The following LRP2 variants were observed in gnomAD, a reference collection of about 807,000 sequenced individuals.
LRP2 encodes LDL receptor related protein 2, also known as low-density lipoprotein receptor-related protein 2.
Under a neutral mutation model 531.0 loss-of-function variants are expected in LRP2, and 172 were observed. The observed-to-expected ratio is 0.32, with a 90% CI of 0.29 to 0.37. The LOEUF (loss-of-function observed/expected upper bound fraction) is 0.37, where lower values mean the gene tolerates loss of function less well. Ranked by LOEUF, LRP2 falls within the 10% of genes least tolerant of loss-of-function variation. The probability of loss-of-function intolerance (pLI) is 1.00; values close to 1 mark genes in which losing one functional copy is unlikely to be tolerated. For synonymous variants in LRP2, 1,992 were observed against 2,027.6 expected (o/e 0.98, Z 0.47); for missense variants, 5,167 against 5,868.3 (o/e 0.88, Z 3.90).
At chr2:169,200,909 C>T (rs1231249720) in intron 44 of LRP2, among the ~76,000 whole-genome samples, 2 of 152,112 alleles carry the variant, frequency 1.3e-5, no homozygotes, top group East Asian at 1.9e-4. Context: ...AGGCTGACAC[C>T]AGAATCCACT....
At chr2:169,296,110 AACTTGC>A (rs1372488346) in intron 4 of LRP2, among the ~76,000 whole-genome samples, 1 of 152,080 alleles carries the variant, frequency 6.6e-6, no homozygotes, top group Non-Finnish European at 1.5e-5. Context: ...CCATGTTAAC[AACTTGC>A]ACTTTTTAAA....
At chr2:169,212,894 C>T (rs200008273) in intron 36 of LRP2, among the ~76,000 whole-genome samples, 3 of 151,744 alleles carry the variant, frequency 2.0e-5, no homozygotes. Context: ...AACCAAACAC[C>T]ACCTGTACCC....
Position 169,185,751 on chromosome 2 carries a change from G to C in LRP2, c.9597C>G (p.Pro3199=). The change falls in exon 50 of 79, where the codon CCC becomes CCG. Residue 3199 remains proline (P), a synonymous_variant. Coordinates refer to ENST00000649046, the MANE Select transcript of LRP2 (RefSeq NM_004525.3). ...AGTAACGGTTGCTAAAAATGAGATA[G>C]GGTTCGATGTTACTGTTTTGCCGGC... The part of the protein sequence containing the change: ...KTCRQNSNIE[P]YLIFSNRYYL... The C allele has an allele frequency of 6.2e-7, 1 of 1,613,760 alleles. No individual in the cohort carries two copies. Among genetic ancestry groups the C allele is most frequent in the Non-Finnish European group, 8.5e-7 (1 of 1,179,960 alleles).
chr2:169,361,904 T>C (rs904006769), intron 1 of LRP2, among the ~76,000 whole-genome samples: 2 of 152,068 alleles, frequency 1.3e-5, no homozygotes, highest in African/African-American at 4.8e-5. Context: ...GGAGGGGCGC[T>C]GCAGGTGGAA....
chr2:169,352,823 G>C (rs896432584), intron 1 of LRP2, among the ~76,000 whole-genome samples: 7 of 151,750 alleles, frequency 4.6e-5, no homozygotes, highest in Non-Finnish European at 7.4e-5. Flanking sequence ...GTCACAGGGG[G>C]GGGAACATCA....
At chr2:169,271,179 T>C (rs1683404882) in intron 15 of LRP2, 72 bp from the exon 16 acceptor site, 3 of 960,160 alleles carry the variant, frequency 3.1e-6, no homozygotes, top group South Asian at 1.4e-5. Flanking sequence ...TCCAGATAAA[T>C]GCATCCACAG....
intron 1 of LRP2, among the ~76,000 whole-genome samples, chr2:169,340,311 T>C (rs1685530387): frequency 6.6e-6 from 1 of 152,136 alleles, no homozygotes; most frequent in Non-Finnish European, 1.5e-5. Flanking sequence ...GAAGAGAAGA[T>C]GTGCAGTGTC....
chr2:169,231,618 C>T (rs1297802064), intron 31 of LRP2, 96 bp downstream of exon 31: 5 of 1,463,428 alleles, frequency 3.4e-6, no homozygotes, highest in Non-Finnish European at 4.8e-6. Flanking sequence ...AAGGACACAG[C>T]ACATGTTCAG....
intron 1 of LRP2, among the ~76,000 whole-genome samples, chr2:169,331,909 T>C (rs1685280179): frequency 6.6e-6 from 1 of 152,154 alleles, no homozygotes; most frequent in African/African-American, 2.4e-5. Context: ...AAATGGACAT[T>C]CATGAGAAAT....
chr2:169,179,511 G>A (rs1040376983), intron 52 of LRP2, among the ~76,000 whole-genome samples: 28 of 151,912 alleles, frequency 1.8e-4, no homozygotes, highest in African/African-American at 6.8e-4. Context: ...ACCTGAGGTC[G>A]GGAGTTCGAG....
intron 55 of LRP2, 53 bp from the exon 56 acceptor site, chr2:169,174,217 T>C (rs1050979028): frequency 1.2e-6 from 2 of 1,611,682 alleles, no homozygotes; most frequent in Admixed American, 3.3e-5. Flanking sequence ...GAATGAAAGC[T>C]CCTAATTGAC....
At chr2:169,265,166 G>GAGAAAT (rs1690748462) in intron 16 of LRP2, among the ~76,000 whole-genome samples, 1 of 151,156 alleles carries the variant, frequency 6.6e-6, no homozygotes, top group Admixed American at 6.6e-5. Context: ...ATCTATGGAG[G>GAGAAAT]AGAAATTAAT....
At chr2:169,169,646 A>T (rs1004670232) in intron 60 of LRP2, 56 bp downstream of exon 60, 1 of 1,367,392 alleles carries the variant, frequency 7.3e-7, no homozygotes, top group Middle Eastern at 1.8e-4. Context: ...TGATGTCTAA[A>T]CTATCATATC....
At chr2:169,189,637 T>G (rs1235352911) in intron 48 of LRP2, among the ~76,000 whole-genome samples, 1 of 151,888 alleles carries the variant, frequency 6.6e-6, no homozygotes, top group Non-Finnish European at 1.5e-5. Flanking sequence ...AAAAAGAAGG[T>G]CAATAGGAAA....
intron 44 of LRP2, among the ~76,000 whole-genome samples, chr2:169,200,454 T>C (rs1045330827): frequency 1.1e-4 from 17 of 152,118 alleles, no homozygotes; most frequent in East Asian, 7.7e-4. Flanking sequence ...GCTTGAGCTA[T>C]AAGAAGATGG....
chr2:169,205,638 C>T lies in LRP2; in HGVS notation c.7557-1G>A. ...ATCCCAGTCAGCCCAGTACAGGTAC[C>T]TAGTCATACAAAAGGAGTCAATAAT... On this transcript the variant is annotated splice_acceptor_variant, in intron 40 of 78. Transcript: ENST00000649046. LOFTEE classifies it high-confidence loss of function. 6.2e-7 allele frequency: 1 copy of T among 1,613,482 alleles called. No individual in the cohort carries two copies. The highest frequency in any genetic ancestry group is 8.5e-7 in the Non-Finnish European group (1 of 1,179,832).
chr2:169,311,806 A>C (rs1371345967), intron 3 of LRP2, among the ~76,000 whole-genome samples: 2 of 152,128 alleles, frequency 1.3e-5, no homozygotes, highest in Non-Finnish European at 2.9e-5. Context: ...GGGGTGTTAA[A>C]GTCTCCCATT....
At chr2:169,238,445 GC>G (rs1689685602) in intron 26 of LRP2, 143 bp from the exon 27 acceptor site, 3 of 659,348 alleles carry the variant, frequency 4.5e-6, no homozygotes, top group African/African-American at 3.6e-5. Flanking sequence ...AGGGGAGGAA[GC>G]CCCATATGAA....
chr2:169,309,916 T>C (rs80083165), intron 3 of LRP2, among the ~76,000 whole-genome samples: 49,430 of 152,010 alleles, frequency 0.33, 8,650 homozygotes, highest in African/African-American at 0.47. Flanking sequence ...TGGTTTGTAG[T>C]TCTCCTTGAA....
Sources: gnomAD v4.1 joint callset for allele counts (sites outside exome capture counted in the v4.1 genomes callset) on GRCh38, gnomAD v4.1.1 for gene constraint, MANE v1.5 for transcripts, NCBI Gene and HGNC (gene_info 2026-07-23, HGNC 2026-07-21) for gene names.